The following NR2F1-AS1 variants were observed in gnomAD, a reference collection of about 807,000 sequenced individuals.
NR2F1-AS1 encodes the protein NR2F1 antisense RNA 1.
At chr5:93,530,377 A>G (rs1214975120) in intron 4 of NR2F1-AS1, among the ~76,000 whole-genome samples, 3 of 152,118 alleles carry the variant, frequency 2.0e-5, no homozygotes, top group Non-Finnish European at 4.4e-5. Flanking sequence ...GAAGGCTTTT[A>G]TATATTCATT....
intron 1 of NR2F1-AS1, among the ~76,000 whole-genome samples, chr5:93,564,147 AAAAC>A (rs1752563631): frequency 7.5e-6 from 1 of 133,030 alleles, no homozygotes; most frequent in African/African-American, 3.4e-5. Flanking sequence ...AAAAAAAAAA[AAAAC>A]ACACAACTAC....
At chr5:93,557,449 G>C (rs1200057925) in intron 2 of NR2F1-AS1, among the ~76,000 whole-genome samples, 1 of 152,096 alleles carries the variant, frequency 6.6e-6, no homozygotes, top group East Asian at 1.9e-4. Flanking sequence ...CACAAAGCAA[G>C]TCACACAAAT....
Position 93,485,466 on chromosome 5 carries a change from T to C in NR2F1-AS1, n.638+68295A>G, listed in dbSNP as rs575285332. ...TCTGGGACACAGTTGAAGCAGTGTT[T>C]AGAGGGAAATTTATAGCACTAACGC... On this transcript the variant is annotated intron_variant and non_coding_transcript_variant, in intron 4 of 5. Transcript: ENST00000660523. Among the ~76,000 whole-genome samples, 7 of 151,396 alleles carry C rather than the reference T, an allele frequency of 4.6e-5. No individual in the cohort carries two copies. The South Asian group carries it at 1.2e-3, about 27-fold the overall frequency.
chr5:93,485,750 A>T (rs1750699772), intron 4 of NR2F1-AS1, among the ~76,000 whole-genome samples: 2 of 151,988 alleles, frequency 1.3e-5, no homozygotes, highest in African/African-American at 4.8e-5. Flanking sequence ...TGACCCAGCC[A>T]TCCCATTACT....
chr5:93,414,423 G>T (rs1748924129), intron 4 of NR2F1-AS1, among the ~76,000 whole-genome samples: 1 of 152,150 alleles, frequency 6.6e-6, no homozygotes, highest in Non-Finnish European at 1.5e-5. Flanking sequence ...GAATATATTT[G>T]ATTTAAACCC....
chr5:93,504,786 CT>C (rs1411257010), intron 4 of NR2F1-AS1, among the ~76,000 whole-genome samples: 3 of 152,080 alleles, frequency 2.0e-5, no homozygotes, highest in Non-Finnish European at 4.4e-5. Flanking sequence ...TTACCTCCCC[CT>C]GGGTCCCTCC....
intron 4 of NR2F1-AS1, among the ~76,000 whole-genome samples, chr5:93,551,817 AATAATAAATGCTTGGTTTTTC>A (rs1225720411): frequency 6.6e-6 from 1 of 152,200 alleles, no homozygotes; most frequent in East Asian, 1.9e-4. Flanking sequence ...GTAAATTTCC[AATAATAAATGCTTGGTTTTTC>A]AAAATAACAA....
chr5:93,416,973 A>C (rs1748981070), intron 4 of NR2F1-AS1, among the ~76,000 whole-genome samples: 1 of 152,222 alleles, frequency 6.6e-6, no homozygotes, highest in Admixed American at 6.5e-5. Flanking sequence ...ACTGACCCTC[A>C]CAACAACCTC....
At chr5:93,555,686 T>C (rs1199920700) in intron 2 of NR2F1-AS1, among the ~76,000 whole-genome samples, 2 of 152,208 alleles carry the variant, frequency 1.3e-5, no homozygotes, top group South Asian at 2.1e-4. Context: ...TATGGAGTTA[T>C]GGTGACCCAA....
intron 4 of NR2F1-AS1, among the ~76,000 whole-genome samples, chr5:93,440,571 A>T (rs916959340): frequency 6.6e-6 from 1 of 152,140 alleles, no homozygotes; most frequent in African/African-American, 2.4e-5. Context: ...CTCCAGCTGG[A>T]ACTATACCAC....
chr5:93,545,502 A>G (rs548848578), intron 4 of NR2F1-AS1, among the ~76,000 whole-genome samples: 161 of 152,342 alleles, frequency 1.1e-3, no homozygotes, highest in African/African-American at 3.7e-3. Flanking sequence ...CACAAAATAG[A>G]AACATCCACT....
At position 93,453,181 on chromosome 5, in the gene NR2F1-AS1, T is replaced by A. The variant is rs1274686909; in HGVS notation, n.639-57639A>T. Among the ~76,000 whole-genome samples, 3 of 151,948 alleles carry A rather than the reference T, an allele frequency of 2.0e-5. No homozygotes were observed. The East Asian group carries it at 5.8e-4, about 29-fold the overall frequency. On this transcript the variant is annotated intron_variant and non_coding_transcript_variant, in intron 4 of 5. Transcript: ENST00000660523. Reference sequence around the variant, plus strand: ...TATAAAATATAAAATGAAAATTACATTGGATCATATAAACAACAGAATAAA... The same window carrying A: ...TATAAAATATAAAATGAAAATTACAATGGATCATATAAACAACAGAATAAA...
upstream of NR2F1-AS1, chr5:93,583,191 A>C (rs1319114126): frequency 6.6e-6 from 1 of 152,124 alleles, no homozygotes; most frequent in African/African-American, 2.4e-5. Context: ...AAAGTTCACT[A>C]TATACAGACA....
intron 4 of NR2F1-AS1, among the ~76,000 whole-genome samples, chr5:93,413,996 T>A (rs1029549671): frequency 9.2e-5 from 14 of 152,202 alleles, no homozygotes; most frequent in South Asian, 6.2e-4. Flanking sequence ...TCCTGCCAGA[T>A]TAAAGCCAGG....
At chr5:93,550,965 G>GTT (rs77653815) in intron 4 of NR2F1-AS1, among the ~76,000 whole-genome samples, 3 of 142,576 alleles carry the variant, frequency 2.1e-5, no homozygotes, top group Non-Finnish European at 3.1e-5. Flanking sequence ...AAATTCTTAG[G>GTT]TTTTTTTTTT....
upstream of NR2F1-AS1, among the ~76,000 whole-genome samples, chr5:93,581,734 CCCCCTCTCCCTCTCCCTCTCCCTCT>C (rs1753057559): frequency 1.9e-5 from 1 of 51,568 alleles, no homozygotes; most frequent in African/African-American, 1.3e-4. Context: ...CTCTCTCTCT[CCCCCTCTCCCTCTCCCTCTCCCTCT>C]CCTCTCTCCC....
intron 4 of NR2F1-AS1, among the ~76,000 whole-genome samples, chr5:93,450,700 A>G (rs1405642697): frequency 1.3e-5 from 2 of 151,852 alleles, no homozygotes; most frequent in Non-Finnish European, 2.9e-5. Context: ...GAAAATGCTG[A>G]GTTAAAATCA....
chr5:93,510,055 T>G (rs995913214), intron 4 of NR2F1-AS1, among the ~76,000 whole-genome samples: 2 of 152,118 alleles, frequency 1.3e-5, no homozygotes, highest in African/African-American at 4.8e-5. Flanking sequence ...AAAAATGTGT[T>G]ATTTTACTTA....
intron 4 of NR2F1-AS1, among the ~76,000 whole-genome samples, chr5:93,536,925 A>G (rs1751852231): frequency 6.6e-6 from 1 of 152,026 alleles, no homozygotes; most frequent in African/African-American, 2.4e-5. Flanking sequence ...ATGAGATCTG[A>G]TGGTTTTAAA....
Sources: gnomAD v4.1 joint callset for allele counts (sites outside exome capture counted in the v4.1 genomes callset) on GRCh38, gnomAD v4.1.1 for gene constraint, MANE v1.5 for transcripts, NCBI Gene and HGNC (gene_info 2026-07-23, HGNC 2026-07-21) for gene names.